The following SCFD1 variants were observed in gnomAD, a reference collection of about 807,000 sequenced individuals.
SCFD1 encodes the protein sec1 family domain-containing protein 1.
A neutral mutation model predicts 103.2 loss-of-function variants in SCFD1; 37 were observed. The observed-to-expected ratio is 0.36, with a 90% CI of 0.28 to 0.47. The LOEUF (loss-of-function observed/expected upper bound fraction) is 0.47, where lower values mean the gene tolerates loss of function less well. Among genes scored for constraint, SCFD1 ranks in the 20% least tolerant of loss-of-function variants. The pLI is 1.00. For missense variants in SCFD1, 639 were observed against 761.2 expected (o/e 0.84, Z 1.89); for synonymous variants, 264 against 245.0 (o/e 1.08, Z -0.73).
chr14:30,706,031 G>GTT (rs72090370), intron 18 of SCFD1, 146 bp downstream of exon 18: 13,561 of 509,098 alleles, frequency 0.027, 76 homozygotes, highest in South Asian at 0.039. Context: ...AGTTCTCCTG[G>GTT]TTTTTTTTTT....
intron 1 of SCFD1, among the ~76,000 whole-genome samples, chr14:30,627,969 G>A (rs1004090470): frequency 2.0e-5 from 3 of 151,806 alleles, no homozygotes; most frequent in Non-Finnish European, 4.4e-5. Context: ...CATTTCCCGC[G>A]ATTTCATCTG....
rs767290462 is a variant in SCFD1 at position 30,734,858 on chromosome 14, G to A, written c.1905G>A (p.Gln635=). Residue 635 remains glutamine, a splice_region_variant and synonymous_variant, in exon 24 of 25, where the codon CAG becomes CAA. Coordinates refer to ENST00000458591, the MANE Select transcript of SCFD1 (RefSeq NM_016106.4). The part of the protein sequence containing the change: ...ELFNATQFIK[Q]LSQLGQK Reference sequence around the variant, plus strand: ...TTAATGCTACACAGTTCATAAAACAGGTAAAGTATACATTTGTTGTTTGTT... The same window carrying A: ...TTAATGCTACACAGTTCATAAAACAAGTAAAGTATACATTTGTTGTTTGTT... 5.6e-6 allele frequency: 9 copies of A among 1,604,674 alleles called. No individual in the cohort carries two copies. The highest frequency in any genetic ancestry group is 7.7e-6 in the Non-Finnish European group (9 of 1,171,646).
chr14:30,651,644 G>A (rs978502177), intron 9 of SCFD1, among the ~76,000 whole-genome samples: 1 of 151,310 alleles, frequency 6.6e-6, no homozygotes, highest in African/African-American at 2.4e-5. Flanking sequence ...CTCTGGGATA[G>A]GCCTTAGAAA....
intron 15 of SCFD1, among the ~76,000 whole-genome samples, chr14:30,697,061 G>T (rs533035947): frequency 6.6e-6 from 1 of 151,660 alleles, no homozygotes; most frequent in Non-Finnish European, 1.5e-5. Context: ...AATATAGATT[G>T]TATGTTGGGG....
At position 30,622,378 on chromosome 14, in the gene SCFD1, A is replaced by G. The variant is rs1352916179; in HGVS notation, c.40A>G (p.Ser14Gly). ...GGCAGCGACAGCAGCAGCAGCAGCC[A>G]GTATTCGGGAAAGGCAGACAGGTAC... ...AAAATAAAAA[S>G]IRERQTVALK... The change falls in exon 1 of 25, where the codon AGT becomes GGT. Residue 14 changes from serine to glycine, a missense_variant. Transcript: ENST00000458591. The G allele has an allele frequency of 1.9e-6, 3 of 1,556,868 alleles. No individual in the cohort carries two copies. Among genetic ancestry groups the G allele is most frequent in the Non-Finnish European group, 1.7e-6 (2 of 1,150,224 alleles).
At chr14:30,730,888 C>A (rs963539156) in intron 23 of SCFD1, among the ~76,000 whole-genome samples, 11 of 152,078 alleles carry the variant, frequency 7.2e-5, no homozygotes, top group Non-Finnish European at 1.2e-4. Flanking sequence ...GCTTTTGTTG[C>A]CATTGCTTTT....
At chr14:30,707,768 A>G in intron 18 of SCFD1, 1 of 574,830 alleles carries the variant, frequency 1.7e-6, no homozygotes, top group Non-Finnish European at 3.2e-6. Flanking sequence ...ATAATTATTG[A>G]CTAATCAGAG....
intron 11 of SCFD1, among the ~76,000 whole-genome samples, chr14:30,670,610 C>T (rs999044687): frequency 5.9e-5 from 9 of 151,920 alleles, no homozygotes; most frequent in Admixed American, 3.9e-4. Flanking sequence ...TTATAGGGAC[C>T]GCTTCTCCTT....
Position 30,677,709 on chromosome 14 carries a change from G to T in SCFD1, c.1242+2644G>T, listed in dbSNP as rs561727172. Among the ~76,000 whole-genome samples the T allele has an allele frequency of 1.8e-4, 27 of 151,230 alleles. 1 individual carries two copies. The East Asian group carries it at 5.1e-3, about 28-fold the overall frequency. ...CCATTACTATGTTAAGCCACCTACTGCTGGCTGTGTTAATGTTAATTAAAG... is the reference window on the plus strand; with the variant it reads ...CCATTACTATGTTAAGCCACCTACTTCTGGCTGTGTTAATGTTAATTAAAG... On this transcript the variant is annotated intron_variant, in intron 14 of 24. Transcript: ENST00000458591.
At chr14:30,674,886 T>C in intron 13 of SCFD1, 98 bp from the exon 14 acceptor site, 1 of 584,870 alleles carries the variant, frequency 1.7e-6, no homozygotes, top group Non-Finnish European at 3.0e-6. Flanking sequence ...ACTGTTTCAC[T>C]GTTCTGAGTT....
At chr14:30,722,458 CTG>C (rs768678186) in intron 22 of SCFD1, 34 bp from the exon 23 acceptor site, 15 of 1,390,466 alleles carry the variant, frequency 1.1e-5, no homozygotes, top group East Asian at 7.1e-5. Flanking sequence ...AGACTAAAAA[CTG>C]TGTTTTTTTT....
chr14:30,721,846 A>G (rs1892671346), intron 21 of SCFD1, 38 bp from the exon 22 acceptor site: 3 of 1,560,978 alleles, frequency 1.9e-6, no homozygotes, highest in Non-Finnish European at 2.6e-6. Context: ...AATAAAAGCC[A>G]TGGGTGAAAT....
At chr14:30,666,057 A>G (rs1177133425) in intron 10 of SCFD1, among the ~76,000 whole-genome samples, 2 of 152,182 alleles carry the variant, frequency 1.3e-5, no homozygotes, top group African/African-American at 4.8e-5. Flanking sequence ...GCTCTGCACT[A>G]ATAGACATCT....
chr14:30,674,949 T>G lies in SCFD1; in HGVS notation c.1161-35T>G, dbSNP rs745444828. 4.5e-6 allele frequency: 6 copies of G among 1,323,778 alleles called. No individual in the cohort carries two copies. The South Asian group carries it at 6.8e-5, about 15-fold the overall frequency. 82.0% of individuals were successfully genotyped at this position (1,323,778 alleles called of 1,614,324 possible). ...TAAAGTCTATGTCATTTTAGAAAAT[T>G]TATTGGTTAATATTTAATTTTTTGA... On this transcript the variant is annotated intron_variant, in intron 13 of 24. Coordinates refer to ENST00000458591, the MANE Select transcript of SCFD1 (RefSeq NM_016106.4).
chr14:30,654,202 AC>A (rs1239364848), intron 10 of SCFD1, among the ~76,000 whole-genome samples: 1 of 152,250 alleles, frequency 6.6e-6, no homozygotes. Context: ...TCTATGAGAC[AC>A]TATGTAATCA....
At chr14:30,637,127 A>G (rs1338584267) in intron 4 of SCFD1, among the ~76,000 whole-genome samples, 1 of 152,014 alleles carries the variant, frequency 6.6e-6, no homozygotes, top group African/African-American at 2.4e-5. Context: ...GGTCCTCTCA[A>G]TGGAAAAAGT....
At chr14:30,706,596 T>G (rs891317334) in intron 18 of SCFD1, among the ~76,000 whole-genome samples, 1 of 152,208 alleles carries the variant, frequency 6.6e-6, no homozygotes, top group Non-Finnish European at 1.5e-5. Context: ...TCAGGATAGA[T>G]TCAAGCAGTG....
intron 3 of SCFD1, 125 bp from the exon 4 acceptor site, chr14:30,633,822 A>G (rs1594565195): frequency 1.0e-5 from 5 of 496,462 alleles, no homozygotes; most frequent in Non-Finnish European, 1.8e-5. Context: ...TAACTCACTG[A>G]TTAATTGCAA....
chr14:30,675,063 A>G lies in SCFD1; in HGVS notation c.1240A>G (p.Lys414Glu). ...TGCCACTGCTGTTTTAGAACATATA[A>G]AGGTAAATTTAACTTTTTCCCCCCC... Reference protein sequence around the residue: ...NVATAVLEHIKARKLDVYFEY... With the variant: ...NVATAVLEHIEARKLDVYFEY... Residue 414 changes from lysine (K) to glutamate (E), a missense_variant and splice_region_variant, in exon 14 of 25, where the codon AAG (lysine) becomes GAG (glutamate). Coordinates refer to ENST00000458591, the MANE Select transcript of SCFD1 (RefSeq NM_016106.4). The G allele has an allele frequency of 6.4e-7, 1 of 1,554,420 alleles. No individual in the cohort carries two copies. The highest frequency in any genetic ancestry group is 8.7e-7 in the Non-Finnish European group (1 of 1,146,570).
Sources: gnomAD v4.1 joint callset for allele counts (sites outside exome capture counted in the v4.1 genomes callset) on GRCh38, gnomAD v4.1.1 for gene constraint, MANE v1.5 for transcripts, NCBI Gene and HGNC (gene_info 2026-07-23, HGNC 2026-07-21) for gene names.